The following LSM12 variants were observed in gnomAD, a reference collection of about 807,000 sequenced individuals.
The protein encoded by LSM12 is protein LSM12.
For synonymous variants in LSM12, 74 were observed against 87.3 expected, an observed-to-expected ratio of 0.85 and a Z score of 0.85; for missense variants, 108 against 238.9, an observed-to-expected ratio of 0.45 and a Z score of 3.61.
intron 2 of LSM12, among the ~76,000 whole-genome samples, chr17:44,046,787 ATGGCGCGATCT>A (rs2049574896): frequency 8.2e-6 from 1 of 121,872 alleles, no homozygotes; most frequent in Non-Finnish European, 1.6e-5. Context: ...CTGGAGTGCA[ATGGCGCGATCT>A]TGGCTCACTG....
Position 44,043,832 on chromosome 17 carries a change from C to A in LSM12, c.259-3576G>T, listed in dbSNP as rs562531641. On this transcript the variant is annotated intron_variant, in intron 2 of 4. Coordinates refer to ENST00000293406, the MANE Select transcript of LSM12 (RefSeq NM_001371445.1). ...AAAAAAAAAAAAAAAAATCTGAAGTCTTTAAGGAAAGAAGGAAAAACTGGA... is the reference window on the plus strand; with the variant it reads ...AAAAAAAAAAAAAAAAATCTGAAGTATTTAAGGAAAGAAGGAAAAACTGGA... Among the ~76,000 whole-genome samples the A allele has an allele frequency of 1.8e-4, 28 of 151,448 alleles. No individual in the cohort carries two copies. In the South Asian group the frequency reaches 5.6e-3, roughly 30 times the overall value.
At chr17:44,064,049 C>A in intron 1 of LSM12, 115 bp from the exon 2 acceptor site, 1 of 1,124,224 alleles carries the variant, frequency 8.9e-7, no homozygotes, top group Non-Finnish European at 1.3e-6. Context: ...AGGCCAGGAG[C>A]ATGAGGGCCT....
chr17:44,052,991 C>CTGTTAG (rs1376060070), intron 2 of LSM12, among the ~76,000 whole-genome samples: 1 of 151,994 alleles, frequency 6.6e-6, no homozygotes, highest in Non-Finnish European at 1.5e-5. Flanking sequence ...AACTAACAAC[C>CTGTTAG]TCCAGTTCAG....
At chr17:44,059,952 CAGG>C (rs1436072510) in intron 2 of LSM12, among the ~76,000 whole-genome samples, 1 of 152,118 alleles carries the variant, frequency 6.6e-6, no homozygotes, top group African/African-American at 2.4e-5. Flanking sequence ...ATCACAAGGT[CAGG>C]AGATCGAGAC....
chr17:44,037,508 G>GT lies in LSM12; in HGVS notation c.398dup (p.Asn133LysfsTer20). ...TAACAACTTCTTCCATGACTACGAT[G>GT]TTTTTTTCTTGCCATTTACAGTCTT... On this transcript the variant is annotated frameshift_variant, in exon 4 of 5. Coordinates refer to ENST00000293406, the MANE Select transcript of LSM12 (RefSeq NM_001371445.1). LOFTEE classifies it high-confidence loss of function. 6.2e-7 allele frequency: 1 copy of GT among 1,609,902 alleles called. No homozygotes were observed. The highest frequency in any genetic ancestry group is 8.5e-7 in the Non-Finnish European group (1 of 1,178,362).
chr17:44,050,709 T>G (rs369498156), intron 2 of LSM12, among the ~76,000 whole-genome samples: 1 of 151,634 alleles, frequency 6.6e-6, no homozygotes, highest in South Asian at 2.1e-4. Flanking sequence ...TGAGAAGAGA[T>G]GGGGTTTCAC....
intron 2 of LSM12, among the ~76,000 whole-genome samples, chr17:44,042,053 G>A (rs568710705): frequency 2.4e-3 from 364 of 152,258 alleles, no homozygotes; most frequent in African/African-American, 7.1e-3. Flanking sequence ...TTGTGAGGCC[G>A]AGGCAGGCGG....
At chr17:44,064,720 G>A (rs1384792414) in intron 1 of LSM12, among the ~76,000 whole-genome samples, 13 of 146,546 alleles carry the variant, frequency 8.9e-5, no homozygotes, top group African/African-American at 2.0e-4. Context: ...GTGACAGAGC[G>A]AGACTCCGTC....
intron 3 of LSM12, among the ~76,000 whole-genome samples, chr17:44,039,243 G>A (rs1346574501): frequency 6.6e-6 from 1 of 151,950 alleles, no homozygotes; most frequent in Non-Finnish European, 1.5e-5. Context: ...TAGTAGAGAT[G>A]GGGGTTTCAA....
At chr17:44,050,084 G>A (rs970979353) in intron 2 of LSM12, among the ~76,000 whole-genome samples, 1 of 152,110 alleles carries the variant, frequency 6.6e-6, no homozygotes, top group South Asian at 2.1e-4. Flanking sequence ...TAGGCTCTTG[G>A]AAAGCCTTCA....
At chr17:44,062,100 T>C (rs954314988) in intron 2 of LSM12, among the ~76,000 whole-genome samples, 3 of 151,602 alleles carry the variant, frequency 2.0e-5, no homozygotes, top group Non-Finnish European at 2.9e-5. Flanking sequence ...CGGGCGCCTG[T>C]AGTCCCAGCT....
intron 2 of LSM12, among the ~76,000 whole-genome samples, chr17:44,048,325 T>C (rs1482404652): frequency 6.6e-6 from 1 of 151,382 alleles, no homozygotes; most frequent in East Asian, 1.9e-4. Flanking sequence ...CTACAAAAAT[T>C]ACAAAAATTA....
At chr17:44,060,956 C>A (rs2049787407) in intron 2 of LSM12, among the ~76,000 whole-genome samples, 1 of 152,148 alleles carries the variant, frequency 6.6e-6, no homozygotes, top group South Asian at 2.1e-4. Flanking sequence ...CACTAAAGAT[C>A]TAGTGACAGA....
chr17:44,061,069 G>A (rs921916276), intron 2 of LSM12, among the ~76,000 whole-genome samples: 2 of 152,146 alleles, frequency 1.3e-5, no homozygotes, highest in Admixed American at 6.5e-5. Flanking sequence ...TGTAATTCCA[G>A]CACTTTGGGA....
chr17:44,066,151 T>A (rs1260106120), intron 1 of LSM12, among the ~76,000 whole-genome samples: 10 of 25,822 alleles, frequency 3.9e-4, no homozygotes, highest in East Asian at 1.1e-3. Context: ...CACCACCCCC[T>A]CTCCTAATTA....
intron 2 of LSM12, among the ~76,000 whole-genome samples, chr17:44,044,248 A>C (rs1314951861): frequency 6.6e-6 from 1 of 152,238 alleles, no homozygotes; most frequent in African/African-American, 2.4e-5. Flanking sequence ...GAGAGAAAAT[A>C]AAATGGATAT....
At chr17:44,041,324 C>A (rs1404934148) in intron 2 of LSM12, among the ~76,000 whole-genome samples, 1,623 of 145,350 alleles carry the variant, frequency 0.011, 27 homozygotes, top group African/African-American at 0.035. Context: ...CACACACACA[C>A]ACACACACAA....
chr17:44,051,050 G>T (rs1308073332), intron 2 of LSM12, among the ~76,000 whole-genome samples: 1 of 152,104 alleles, frequency 6.6e-6, no homozygotes. Flanking sequence ...GAGGTGGGCG[G>T]ATCACGAGGT....
chr17:44,064,005 A>T, intron 1 of LSM12, 71 bp from the exon 2 acceptor site: 1 of 1,540,508 alleles, frequency 6.5e-7, no homozygotes, highest in East Asian at 2.3e-5. Flanking sequence ...AAAGGGGCAT[A>T]GAAAACACGA....
Sources: gnomAD v4.1 joint callset for allele counts (sites outside exome capture counted in the v4.1 genomes callset) on GRCh38, gnomAD v4.1.1 for gene constraint, MANE v1.5 for transcripts, NCBI Gene and HGNC (gene_info 2026-07-23, HGNC 2026-07-21) for gene names.